Variants in THADA observed in about 807,000 individuals in gnomAD.
THADA encodes THADA armadillo repeat containing.
Under a neutral mutation model 219.8 loss-of-function variants are expected in THADA, and 213 were observed. That is an observed-to-expected ratio of 0.97 (90% confidence interval 0.87 to 1.09). The LOEUF is 1.09. Ranked by LOEUF, THADA falls within the 50% of genes least tolerant of loss-of-function variation. The pLI, the probability that THADA is intolerant of heterozygous loss-of-function variation, is 0.00. For synonymous variants in THADA, 1,018 were observed against 828.9 expected, an observed-to-expected ratio of 1.23 and a Z score of -3.92; for missense variants, 2,956 against 2,311.3, an observed-to-expected ratio of 1.28 and a Z score of -5.72.
intron 24 of THADA, among the ~76,000 whole-genome samples, chr2:43,503,465 GA>G (rs1263648493): frequency 1.3e-5 from 2 of 152,148 alleles, no homozygotes; most frequent in African/African-American, 4.8e-5. Flanking sequence ...CATGTAAAAG[GA>G]GATAAAAGTA....
intron 28 of THADA, chr2:43,408,470 A>G (rs1477961635): frequency 1.3e-5 from 2 of 152,238 alleles, no homozygotes; most frequent in African/African-American, 4.8e-5. Flanking sequence ...ATGTCAGCAC[A>G]TTGGCAGAAT....
intron 28 of THADA, among the ~76,000 whole-genome samples, chr2:43,413,332 C>T (rs778855712): frequency 1.3e-5 from 2 of 152,096 alleles, no homozygotes; most frequent in Non-Finnish European, 2.9e-5. Flanking sequence ...ACCACCACCC[C>T]CGCCCCATCA....
At chr2:43,279,923 T>A in intron 35 of THADA, 27 bp from the exon 36 acceptor site, 1 of 1,487,978 alleles carries the variant, frequency 6.7e-7, no homozygotes, top group Non-Finnish European at 8.9e-7. Context: ...GAATCTGAAT[T>A]ACCTAGAATG....
At chr2:43,255,997 G>A (rs1317754892) in intron 36 of THADA, among the ~76,000 whole-genome samples, 1 of 152,204 alleles carries the variant, frequency 6.6e-6, no homozygotes. Flanking sequence ...ACTATTGAAA[G>A]AGCCAATCTC....
intron 22 of THADA, among the ~76,000 whole-genome samples, chr2:43,527,678 A>G (rs1322718940): frequency 6.6e-6 from 1 of 152,198 alleles, no homozygotes; most frequent in African/African-American, 2.4e-5. Context: ...TGACAGAATA[A>G]TAACTCAGTT....
chr2:43,286,635 G>A (rs985580771), intron 35 of THADA, among the ~76,000 whole-genome samples: 1 of 152,100 alleles, frequency 6.6e-6, no homozygotes, highest in African/African-American at 2.4e-5. Flanking sequence ...TGAGGCAGGA[G>A]GATTGCTTGA....
intron 26 of THADA, among the ~76,000 whole-genome samples, chr2:43,472,711 G>A (rs1685039402): frequency 6.6e-6 from 1 of 152,156 alleles, no homozygotes; most frequent in Non-Finnish European, 1.5e-5. Context: ...GCATTGTAGT[G>A]TAAACATCGT....
At position 43,475,892 on chromosome 2, in the gene THADA, C is replaced by G. The variant is rs1203585505; in HGVS notation, c.3836+9342G>C. On this transcript the variant is annotated intron_variant, in intron 26 of 37. Coordinates refer to ENST00000405975, the MANE Select transcript of THADA (RefSeq NM_022065.5). ...AAATACTACATACATAGTCTTAAGTCACTGTTCTTAACACAAACATTTTCA... is the reference window on the plus strand; with the variant it reads ...AAATACTACATACATAGTCTTAAGTGACTGTTCTTAACACAAACATTTTCA... 2.0e-5 allele frequency among the ~76,000 whole-genome samples: 3 copies of G among 152,202 alleles called. No homozygotes were observed. The East Asian group carries it at 5.8e-4, about 29-fold the overall frequency.
intron 26 of THADA, among the ~76,000 whole-genome samples, chr2:43,461,579 G>A (rs1443517025): frequency 6.6e-6 from 1 of 152,162 alleles, no homozygotes; most frequent in African/African-American, 2.4e-5. Context: ...TAGAGTCTTT[G>A]TTCAGAAAAT....
chr2:43,528,125 G>GTT, intron 21 of THADA, 137 bp from the exon 22 acceptor site: 17 of 238,888 alleles, frequency 7.1e-5, no homozygotes, highest in South Asian at 2.7e-4. Flanking sequence ...CATGTTTTAA[G>GTT]CTTTTTTTTT....
intron 24 of THADA, among the ~76,000 whole-genome samples, chr2:43,505,097 A>G (rs1398964633): frequency 6.6e-6 from 1 of 152,218 alleles, no homozygotes; most frequent in Non-Finnish European, 1.5e-5. Context: ...GGTAGATACC[A>G]TATTTAAAGG....
chr2:43,411,102 C>T (rs1444223473), intron 28 of THADA, among the ~76,000 whole-genome samples: 1 of 152,140 alleles, frequency 6.6e-6, no homozygotes, highest in African/African-American at 2.4e-5. Context: ...AACAATCACA[C>T]AAGAATTAAA....
chr2:43,521,739 C>A (rs1302277128), intron 22 of THADA, among the ~76,000 whole-genome samples: 1 of 152,194 alleles, frequency 6.6e-6, no homozygotes, highest in Non-Finnish European at 1.5e-5. Flanking sequence ...AACTCCTATC[C>A]ACAGAGCTAT....
chr2:43,268,291 TACAG>T (rs1310871103), intron 36 of THADA, among the ~76,000 whole-genome samples: 2 of 152,164 alleles, frequency 1.3e-5, no homozygotes, highest in African/African-American at 2.4e-5. Context: ...CTAACGCTCA[TACAG>T]ACATTCACAT....
chr2:43,520,998 AAAGGGAGGGAAGGGAGGG>A (rs1308061860), intron 22 of THADA, among the ~76,000 whole-genome samples: 2 of 56,978 alleles, frequency 3.5e-5, no homozygotes, highest in South Asian at 7.1e-4. Context: ...GAAAGGGAGG[AAAGGGAGGGAAGGGAGGG>A]AAGGGAGGGA....
At chr2:43,373,307 T>C (rs1468828262) in intron 29 of THADA, among the ~76,000 whole-genome samples, 1 of 152,168 alleles carries the variant, frequency 6.6e-6, no homozygotes, top group African/African-American at 2.4e-5. Context: ...ATTTTCACTA[T>C]CTCTATGAAA....
chr2:43,414,478 G>T (rs1269998470), intron 28 of THADA, among the ~76,000 whole-genome samples: 1 of 152,184 alleles, frequency 6.6e-6, no homozygotes, highest in Non-Finnish European at 1.5e-5. Flanking sequence ...TGGTTTGTAT[G>T]CTTGAGGTGA....
At chr2:43,248,194 GAGAGAGAGAGAGAGA>G (rs1669429909) in intron 36 of THADA, among the ~76,000 whole-genome samples, 6 of 132,196 alleles carry the variant, frequency 4.5e-5, no homozygotes, top group Non-Finnish European at 9.6e-5. Context: ...GAGAGAGAGA[GAGAGAGAGAGAGAGA>G]GAGAGACAGA....
At chr2:43,362,183 G>A (rs564088990) in intron 29 of THADA, among the ~76,000 whole-genome samples, 4 of 152,200 alleles carry the variant, frequency 2.6e-5, no homozygotes, top group Non-Finnish European at 5.9e-5. Flanking sequence ...TTCAAAGGAA[G>A]CAAAGCGTCT....
Sources: gnomAD v4.1 joint callset for allele counts (sites outside exome capture counted in the v4.1 genomes callset) on GRCh38, gnomAD v4.1.1 for gene constraint, MANE v1.5 for transcripts, NCBI Gene and HGNC (gene_info 2026-07-23, HGNC 2026-07-21) for gene names.